Variants in PPM1H observed in about 807,000 individuals in gnomAD.
PPM1H encodes protein phosphatase, Mg2+/Mn2+ dependent 1H, also known as protein phosphatase 1H.
PPM1H carries 27 observed loss-of-function variants against 54.9 expected under a neutral mutation model. The ratio of observed to expected loss-of-function variants is 0.49; its 90% CI spans 0.36 to 0.68. The LOEUF (loss-of-function observed/expected upper bound fraction) is 0.68. Among genes scored for constraint, PPM1H ranks in the 30% least tolerant of loss-of-function variants. The pLI, the probability that PPM1H is intolerant of heterozygous loss-of-function variation, is 0.00. For synonymous variants in PPM1H, 305 were observed against 270.8 expected (o/e 1.13, Z -1.24); for missense variants, 596 against 667.8 (o/e 0.89, Z 1.19).
intron 1 of PPM1H, among the ~76,000 whole-genome samples, chr12:62,854,992 T>A (rs1485810926): frequency 6.6e-6 from 1 of 152,108 alleles, no homozygotes; most frequent in East Asian, 1.9e-4. Context: ...ATCTGGTAAC[T>A]AATATAGTTT....
intron 3 of PPM1H, among the ~76,000 whole-genome samples, chr12:62,791,098 C>T (rs1469194539): frequency 6.6e-6 from 1 of 152,118 alleles, no homozygotes; most frequent in Non-Finnish European, 1.5e-5. Flanking sequence ...TTTTTATCTG[C>T]CTCTCCCCTT....
At chr12:62,876,470 T>C (rs760869447) in intron 1 of PPM1H, among the ~76,000 whole-genome samples, 1 of 152,010 alleles carries the variant, frequency 6.6e-6, no homozygotes, top group South Asian at 2.1e-4. Context: ...ATAAAAGGAG[T>C]AGAGAAAAAC....
At chr12:62,818,623 T>G (rs993148518) in intron 2 of PPM1H, among the ~76,000 whole-genome samples, 2 of 152,150 alleles carry the variant, frequency 1.3e-5, no homozygotes, top group African/African-American at 4.8e-5. Flanking sequence ...GGTAGGCATG[T>G]CAAGAGGCTT....
chr12:62,727,009 G>A (rs2076293472), intron 5 of PPM1H, among the ~76,000 whole-genome samples: 1 of 152,054 alleles, frequency 6.6e-6, no homozygotes, highest in Admixed American at 6.6e-5. Flanking sequence ...CCGCCTCCTG[G>A]GTTCAAGCAA....
At position 62,644,104 on chromosome 12, in the gene PPM1H, G is replaced by T. The variant is rs2075772746; in HGVS notation, c.*4385C>A. 1.3e-5 allele frequency: 2 copies of T among 152,058 alleles called. No individual in the cohort carries two copies. Among genetic ancestry groups the T allele is most frequent in the African/African-American group, 4.8e-5 (2 of 41,408 alleles). The allele number at this position is 152,058 out of a possible 1,614,324, so 9.4% of individuals were successfully genotyped here. On this transcript the variant is annotated 3_prime_UTR_variant, in exon 10 of 10. Transcript: ENST00000228705. The stretch of plus-strand genomic sequence containing the variant: ...CCTAAGTTTCAAAACACACAAAATA[G>T]ATCCCCTTTACTAAACAGTTTTCAT...
chr12:62,906,555 C>G (rs947476354), intron 1 of PPM1H, among the ~76,000 whole-genome samples: 2 of 152,194 alleles, frequency 1.3e-5, no homozygotes, highest in African/African-American at 4.8e-5. Context: ...GTGCTTCTCT[C>G]TATGAACAAA....
At chr12:62,709,039 T>G (rs532736237) in intron 6 of PPM1H, among the ~76,000 whole-genome samples, 1 of 152,294 alleles carries the variant, frequency 6.6e-6, no homozygotes, top group South Asian at 2.1e-4. Flanking sequence ...AGCCTGGCAT[T>G]CAAAGTTCCC....
At chr12:62,733,262 C>T (rs939681545) in intron 5 of PPM1H, among the ~76,000 whole-genome samples, 1 of 152,058 alleles carries the variant, frequency 6.6e-6, no homozygotes. Flanking sequence ...TCTCCACCCC[C>T]CTCCCTGCCA....
intron 1 of PPM1H, among the ~76,000 whole-genome samples, chr12:62,932,628 C>CTTTTTGTTTTTTTTTTTTTTTTTTT (rs1872177445): frequency 1.9e-5 from 1 of 54,012 alleles, no homozygotes; most frequent in Non-Finnish European, 3.2e-5. Flanking sequence ...TCCAAATGGG[C>CTTTTTGTTTTTTTTTTTTTTTTTTT]TTTTTTTTTT....
At chr12:62,734,056 T>G (rs559681673) in intron 5 of PPM1H, among the ~76,000 whole-genome samples, 1 of 151,808 alleles carries the variant, frequency 6.6e-6, no homozygotes, top group South Asian at 2.1e-4. Context: ...GTCATGAGGG[T>G]AGAGCCCTCA....
At chr12:62,839,139 G>A (rs1038957230) in intron 1 of PPM1H, among the ~76,000 whole-genome samples, 1 of 152,080 alleles carries the variant, frequency 6.6e-6, no homozygotes, top group African/African-American at 2.4e-5. Context: ...GTGGTAGTGT[G>A]GCTGGGCAGT....
intron 7 of PPM1H, among the ~76,000 whole-genome samples, chr12:62,691,264 G>A (rs777344359): frequency 2.0e-5 from 3 of 152,084 alleles, no homozygotes; most frequent in South Asian, 2.1e-4. Flanking sequence ...AAATATATCC[G>A]GTGTAGTGAA....
At chr12:62,857,177 T>C (rs1466492707) in intron 1 of PPM1H, among the ~76,000 whole-genome samples, 1 of 152,056 alleles carries the variant, frequency 6.6e-6, no homozygotes, top group East Asian at 1.9e-4. Context: ...ACAACATCCC[T>C]AGCACCCAGC....
At chr12:62,691,976 T>C (rs1169956164) in intron 7 of PPM1H, among the ~76,000 whole-genome samples, 2 of 152,168 alleles carry the variant, frequency 1.3e-5, no homozygotes, top group Admixed American at 6.5e-5. Context: ...GGCTTCTCTG[T>C]GTGCTCTTTC....
chr12:62,903,386 A>T (rs1871215121), intron 1 of PPM1H, among the ~76,000 whole-genome samples: 1 of 152,232 alleles, frequency 6.6e-6, no homozygotes, highest in Non-Finnish European at 1.5e-5. Flanking sequence ...ACCGTCCAGA[A>T]ATACCCTGAA....
intron 4 of PPM1H, among the ~76,000 whole-genome samples, chr12:62,780,021 T>C (rs866710994): frequency 2.0e-5 from 3 of 152,210 alleles, no homozygotes; most frequent in African/African-American, 4.8e-5. Context: ...ATGACATTAA[T>C]AGTACTTCCC....
chr12:62,788,712 T>C (rs933660576), intron 3 of PPM1H, among the ~76,000 whole-genome samples: 1 of 152,176 alleles, frequency 6.6e-6, no homozygotes, highest in African/African-American at 2.4e-5. Flanking sequence ...TGACAAGTAC[T>C]TGGACCTGAT....
chr12:62,646,471 C>CTACT lies in PPM1H; in HGVS notation c.*2014_*2017dup, dbSNP rs771580742. 3 of 152,214 alleles carry CTACT rather than the reference C, an allele frequency of 2.0e-5. No individual in the cohort carries two copies. The highest frequency in any genetic ancestry group is 3.9e-4 in the East Asian group (2 of 5,190). The allele number at this position is 152,214 out of a possible 1,614,324, so 9.4% of individuals were successfully genotyped here. On this transcript the variant is annotated 3_prime_UTR_variant, in exon 10 of 10. Transcript: ENST00000228705. Reference sequence around the variant, plus strand: ...TCCACGGAAGACTTGCTCAGGTTTCCTACTTACACATGACTCTGAGTGCCA... The same window carrying CTACT: ...TCCACGGAAGACTTGCTCAGGTTTCCTACTTACTTACACATGACTCTGAGTGCCA...
intron 2 of PPM1H, among the ~76,000 whole-genome samples, chr12:62,829,250 A>C (rs1233876762): frequency 6.6e-6 from 1 of 152,234 alleles, no homozygotes; most frequent in Non-Finnish European, 1.5e-5. Flanking sequence ...AAGTGAAATA[A>C]GCCAGGCACA....
Sources: allele counts gnomAD v4.1 joint callset (sites outside exome capture counted in the v4.1 genomes callset), GRCh38; gene constraint gnomAD v4.1.1; transcripts MANE v1.5; gene names NCBI Gene and HGNC (gene_info 2026-07-23, HGNC 2026-07-21).